Variants in TET1 observed in about 807,000 individuals in gnomAD.
TET1 encodes the protein methylcytosine dioxygenase TET1.
A neutral mutation model predicts 148.7 loss-of-function variants in TET1; 13 were observed. The ratio of observed to expected loss-of-function variants is 0.09; its 90% CI spans 0.06 to 0.14. The LOEUF is 0.14. Among genes scored for constraint, TET1 ranks in the 10% least tolerant of loss-of-function variants. TET1 has a pLI of 1.00. For missense variants in TET1, 2,182 were observed against 2,553.8 expected, an observed-to-expected ratio of 0.85 and a Z score of 3.14; for synonymous variants, 907 against 937.2, an observed-to-expected ratio of 0.97 and a Z score of 0.59.
At chr10:68,597,130 T>C (rs1441171018) in intron 2 of TET1, among the ~76,000 whole-genome samples, 2 of 147,130 alleles carry the variant, frequency 1.4e-5, no homozygotes, top group East Asian at 2.0e-4. Flanking sequence ...ACCTCCCAGG[T>C]TCAAGTGATC....
In TET1 at chr10:68,667,178, G is replaced by A. The variant is rs780172713; in HGVS notation, c.4595G>A (p.Arg1532Gln). 20 of 1,614,088 alleles carry A rather than the reference G, an allele frequency of 1.2e-5. No homozygotes were observed. Among genetic ancestry groups the A allele is most frequent in the Admixed American group, 3.3e-5 (2 of 60,006 alleles). ...GGCATCCCTCTTCCAATGGCCGACCGGCTATACACAGAGCTCACAGAGAAT... is the reference window on the plus strand; with the variant it reads ...GGCATCCCTCTTCCAATGGCCGACCAGCTATACACAGAGCTCACAGAGAAT... The part of the protein sequence containing the change: ...WDGIPLPMAD[R>Q]LYTELTENLK... Residue 1532 changes from arginine (R) to glutamine (Q), a missense_variant, in exon 7 of 12, where the codon CGG (arginine) becomes CAG (glutamine). Around this residue, in one of 11 missense-constraint regions of TET1, gnomAD observed 169 missense variants for 263.7 expected, o/e 0.64. Coordinates refer to ENST00000373644, the MANE Select transcript of TET1 (RefSeq NM_030625.3).
At chr10:68,654,379 GC>G (rs1285868981) in intron 6 of TET1, among the ~76,000 whole-genome samples, 1 of 152,122 alleles carries the variant, frequency 6.6e-6, no homozygotes, top group Non-Finnish European at 1.5e-5. Context: ...ACTATGGGAG[GC>G]CGAGTGGGGC....
chr10:68,609,301 A>G lies in TET1; in HGVS notation c.1968+8267A>G, dbSNP rs758201776. 3.9e-5 allele frequency among the ~76,000 whole-genome samples: 6 copies of G among 152,078 alleles called. No homozygotes were observed. In the South Asian group the frequency reaches 1.2e-3, roughly 31 times the overall value. On this transcript the variant is annotated intron_variant, in intron 3 of 11. Coordinates refer to ENST00000373644, the MANE Select transcript of TET1 (RefSeq NM_030625.3). ...CTCACCCTCCCTAGTGGTTGGGATTACAGGCATGTGCCACCACGCCTGGCT... is the reference window on the plus strand; with the variant it reads ...CTCACCCTCCCTAGTGGTTGGGATTGCAGGCATGTGCCACCACGCCTGGCT...
chr10:68,633,379 ATTGTC>A (rs2054605535), intron 3 of TET1, among the ~76,000 whole-genome samples: 1 of 131,456 alleles, frequency 7.6e-6, no homozygotes, highest in Non-Finnish European at 1.6e-5. Context: ...TTTTTTTTTT[ATTGTC>A]TTGTTTTGTT....
At chr10:68,630,724 T>C (rs575192000) in intron 3 of TET1, among the ~76,000 whole-genome samples, 4 of 152,204 alleles carry the variant, frequency 2.6e-5, no homozygotes, top group African/African-American at 7.2e-5. Context: ...CAAATAAGTG[T>C]AGGTTGATGC....
intron 3 of TET1, among the ~76,000 whole-genome samples, chr10:68,639,461 TACTAC>T (rs3085661): frequency 0.39 from 55,449 of 141,066 alleles, 11,725 homozygotes; most frequent in East Asian, 0.53. Flanking sequence ...CTACTACTAC[TACTAC>T]TATTATTATT....
intron 4 of TET1, among the ~76,000 whole-genome samples, 190 bp downstream of exon 4, chr10:68,647,195 C>G (rs2054863701): frequency 6.6e-6 from 1 of 152,136 alleles, no homozygotes; most frequent in Non-Finnish European, 1.5e-5. Flanking sequence ...ATGGAAAATT[C>G]AGCTCATAAT....
At chr10:68,607,822 A>C (rs2054147076) in intron 3 of TET1, among the ~76,000 whole-genome samples, 1 of 147,782 alleles carries the variant, frequency 6.8e-6, no homozygotes, top group Non-Finnish European at 1.5e-5. Context: ...GAATATATAA[A>C]TATGTTTATA....
intron 3 of TET1, among the ~76,000 whole-genome samples, chr10:68,602,436 C>T (rs1449611492): frequency 6.6e-6 from 1 of 152,080 alleles, no homozygotes; most frequent in African/African-American, 2.4e-5. Context: ...AAATGGCTCT[C>T]ATTTGTTGGG....
At chr10:68,621,013 A>G (rs2054362445) in intron 3 of TET1, among the ~76,000 whole-genome samples, 1 of 152,190 alleles carries the variant, frequency 6.6e-6, no homozygotes, top group South Asian at 2.1e-4. Context: ...TTATAATAGT[A>G]CTTTATGTCC....
chr10:68,685,854 A>G (rs907925105), intron 10 of TET1, among the ~76,000 whole-genome samples: 1 of 152,184 alleles, frequency 6.6e-6, no homozygotes, highest in African/African-American at 2.4e-5. Flanking sequence ...TAAAATTAAA[A>G]AAAAATTTTT....
At chr10:68,662,122 G>T (rs1055927623) in intron 6 of TET1, among the ~76,000 whole-genome samples, 9 of 95,716 alleles carry the variant, frequency 9.4e-5, no homozygotes, top group Admixed American at 2.4e-4. Flanking sequence ...TGGTCTGCCT[G>T]CCCTGGCCTC....
At chr10:68,619,540 A>G (rs1326599610) in intron 3 of TET1, among the ~76,000 whole-genome samples, 1 of 152,188 alleles carries the variant, frequency 6.6e-6, no homozygotes, top group Admixed American at 6.6e-5. Flanking sequence ...TGAATGGCAG[A>G]ATTATTTTTA....
chr10:68,618,878 G>A (rs1304030006), intron 3 of TET1, among the ~76,000 whole-genome samples: 2 of 152,130 alleles, frequency 1.3e-5, no homozygotes, highest in Non-Finnish European at 2.9e-5. Context: ...GAGCTGGGAG[G>A]ATCACCTGAG....
At chr10:68,577,945 T>C (rs2053751800) in intron 2 of TET1, among the ~76,000 whole-genome samples, 4 of 152,016 alleles carry the variant, frequency 2.6e-5, no homozygotes, top group Non-Finnish European at 5.9e-5. Flanking sequence ...CACCATTGCA[T>C]ACCAGCTTCA....
chr10:68,640,779 C>G (rs1589103621), intron 3 of TET1, among the ~76,000 whole-genome samples: 1 of 151,456 alleles, frequency 6.6e-6, no homozygotes, highest in Non-Finnish European at 1.5e-5. Flanking sequence ...TCTCTATCTC[C>G]TGACCTCGTG....
intron 8 of TET1, among the ~76,000 whole-genome samples, chr10:68,680,553 C>A (rs1255859563): frequency 6.6e-6 from 1 of 152,152 alleles, no homozygotes; most frequent in Non-Finnish European, 1.5e-5. Context: ...TCACCAAGTT[C>A]CCCAGACTGG....
intron 6 of TET1, among the ~76,000 whole-genome samples, chr10:68,661,673 C>T (rs1004153677): frequency 7.9e-5 from 12 of 151,650 alleles, no homozygotes; most frequent in Non-Finnish European, 1.8e-4. Flanking sequence ...GTTGTAGAGA[C>T]GGGGTCTCAT....
At chr10:68,634,059 A>G (rs114796238) in intron 3 of TET1, among the ~76,000 whole-genome samples, 2,028 of 152,068 alleles carry the variant, frequency 0.013, 56 homozygotes, top group African/African-American at 0.047. Context: ...TGATTTTTAA[A>G]TTTTTTGTAG....
Sources: allele counts gnomAD v4.1 joint callset (sites outside exome capture counted in the v4.1 genomes callset), GRCh38; gene constraint gnomAD v4.1.1; regional missense constraint gnomAD v4.1.1; transcripts MANE v1.5; gene names NCBI Gene and HGNC (gene_info 2026-07-23, HGNC 2026-07-21).